TECPR1: variants seen among roughly 807,000 people sequenced by gnomAD.
TECPR1 encodes tectonin beta-propeller repeat containing 1.
Under a neutral mutation model 162.4 loss-of-function variants are expected in TECPR1, and 122 were observed. That is an observed-to-expected ratio of 0.75 (90% CI 0.65 to 0.87). The LOEUF is 0.87. Ranked by LOEUF, TECPR1 falls within the 40% of genes least tolerant of loss-of-function variation. TECPR1 has a pLI of 0.00. For synonymous variants in TECPR1, 642 were observed against 670.6 expected (o/e 0.96, Z 0.66); for missense variants, 1,432 against 1,618.2 (o/e 0.88, Z 1.97).
At chr7:98,240,808 A>T (rs1225038915) in intron 8 of TECPR1, 43 bp downstream of exon 8, 2 of 1,515,664 alleles carry the variant, frequency 1.3e-6, no homozygotes, top group South Asian at 2.4e-5. Flanking sequence ...GCAGTCTCCA[A>T]CTCCTGGGCT....
At chr7:98,233,311 G>C in intron 11 of TECPR1, 110 bp downstream of exon 11, 1 of 1,318,148 alleles carries the variant, frequency 7.6e-7, no homozygotes, top group African/African-American at 1.5e-5. Flanking sequence ...GAGGCGTCCA[G>C]GGAGGACAGC....
At chr7:98,250,754 A>T (rs918714087) in intron 2 of TECPR1, among the ~76,000 whole-genome samples, 1 of 152,080 alleles carries the variant, frequency 6.6e-6, no homozygotes, top group Admixed American at 6.5e-5. Context: ...ATGAAAGGAG[A>T]TTTTGACTTT....
intron 15 of TECPR1, among the ~76,000 whole-genome samples, chr7:98,230,114 A>G (rs989460721): frequency 2.0e-5 from 3 of 150,040 alleles, no homozygotes; most frequent in Non-Finnish European, 4.4e-5. Flanking sequence ...TTCCCACCTC[A>G]GCCCTCCGAG....
chr7:98,248,319 C>T (rs760459770), intron 2 of TECPR1, among the ~76,000 whole-genome samples: 1 of 151,866 alleles, frequency 6.6e-6, no homozygotes, highest in Admixed American at 6.6e-5. Flanking sequence ...GGCCCGGGGC[C>T]TGAAGAGAGG....
chr7:98,227,903 T>C, intron 17 of TECPR1, 111 bp downstream of exon 17: 3 of 780,664 alleles, frequency 3.8e-6, no homozygotes, highest in African/African-American at 1.7e-5. Flanking sequence ...GCTGGCGGCC[T>C]GACACCAGGC....
chr7:98,229,585 A>G (rs1429412971), intron 15 of TECPR1, among the ~76,000 whole-genome samples: 3 of 152,152 alleles, frequency 2.0e-5, no homozygotes, highest in Non-Finnish European at 4.4e-5. Flanking sequence ...ATGACATCTA[A>G]TCCTCTGCAT....
intron 23 of TECPR1, among the ~76,000 whole-genome samples, chr7:98,219,508 G>A (rs1798092501): frequency 6.6e-6 from 1 of 152,212 alleles, no homozygotes; most frequent in Non-Finnish European, 1.5e-5. Context: ...CTCATAACCA[G>A]AATCTAGAAG....
chr7:98,223,641 C>T, intron 20 of TECPR1, 21 bp downstream of exon 20: 2 of 1,613,450 alleles, frequency 1.2e-6, no homozygotes, highest in Non-Finnish European at 1.7e-6. Flanking sequence ...CCGTGACAGT[C>T]ACCCTGCAGC....
At chr7:98,223,556 G>T in intron 20 of TECPR1, 106 bp downstream of exon 20, 1 of 1,230,242 alleles carries the variant, frequency 8.1e-7, no homozygotes, top group Non-Finnish European at 1.2e-6. Flanking sequence ...TGGGACTGAG[G>T]TCAGAGGCCA....
chr7:98,233,520 G>A lies in TECPR1; in HGVS notation c.1573C>T (p.Pro525Ser), dbSNP rs375848344. 5.1e-5 allele frequency: 80 copies of A among 1,568,418 alleles called. No homozygotes were observed. Among genetic ancestry groups the A allele is most frequent in the Admixed American group, 2.0e-5 (1 of 49,750 alleles). The change falls in exon 11 of 26, where the codon CCG becomes TCG. Residue 525 changes from proline (P) to serine (S), a missense_variant. Pro to Ser is a moderately conservative substitution (Grantham distance 74, BLOSUM62 -1). Transcript: ENST00000447648. Reference sequence around the variant, plus strand: ...AGCGGGTGGTCATCCACCCCATACGGCTCCTCCAAGCCCAGTGGGAGGAGC... The same window carrying A: ...AGCGGGTGGTCATCCACCCCATACGACTCCTCCAAGCCCAGTGGGAGGAGC... The part of the protein sequence containing the change: ...LGLLPLGLEE[P>S]YGVDDHPLWA...
intron 16 of TECPR1, 55 bp from the exon 17 acceptor site, chr7:98,228,171 C>G: frequency 7.3e-7 from 1 of 1,378,422 alleles, no homozygotes; most frequent in East Asian, 2.4e-5. Context: ...GCTTGGGACT[C>G]TGGCTTTCCG....
intron 22 of TECPR1, among the ~76,000 whole-genome samples, chr7:98,222,046 G>C (rs1364798313): frequency 6.6e-6 from 1 of 152,238 alleles, no homozygotes; most frequent in East Asian, 1.9e-4. Context: ...CCTGTGCAGA[G>C]GGCAGCTGAG....
chr7:98,233,384 C>G, intron 11 of TECPR1, 37 bp downstream of exon 11: 1 of 1,419,316 alleles, frequency 7.0e-7, no homozygotes, highest in Non-Finnish European at 9.2e-7. Flanking sequence ...GGGCACCTGG[C>G]CATGTGGATG....
At chr7:98,222,733 G>A in intron 21 of TECPR1, 1 of 794,982 alleles carries the variant, frequency 1.3e-6, no homozygotes, top group East Asian at 2.5e-5. Flanking sequence ...CGCCCCCGTG[G>A]GCGTGTGCAC....
At chr7:98,223,975 C>T (rs901991259) in intron 19 of TECPR1, among the ~76,000 whole-genome samples, 2 of 152,026 alleles carry the variant, frequency 1.3e-5, no homozygotes, top group African/African-American at 4.8e-5. Flanking sequence ...CTCCCAGGGG[C>T]AGGGGTCTCC....
chr7:98,245,062 C>A lies in TECPR1; in HGVS notation c.231G>T (p.Trp77Cys). The A allele has an allele frequency of 6.3e-7, 1 of 1,582,956 alleles. No individual in the cohort carries two copies. Residue 77 changes from tryptophan to cysteine, a missense_variant, in exon 4 of 26, where the codon TGG (tryptophan) becomes TGT (cysteine). Coordinates refer to ENST00000447648, the MANE Select transcript of TECPR1 (RefSeq NM_015395.3). ...TCTCACAGAAGCCGCCCATGGGATTCCAGCGCTGAGGGCCGGGGACACAGA... is the reference window on the plus strand; with the variant it reads ...TCTCACAGAAGCCGCCCATGGGATTACAGCGCTGAGGGCCGGGGACACAGA... ...RREEAYENQRWNPMGGFCEKL... is the reference protein window; with the variant it reads ...RREEAYENQRCNPMGGFCEKL...
At position 98,229,041 on chromosome 7, in the gene TECPR1, T is replaced by C; in HGVS notation, c.2408A>G (p.Gln803Arg). The C allele has an allele frequency of 6.2e-6, 10 of 1,601,144 alleles. No homozygotes were observed. The highest frequency in any genetic ancestry group is 8.5e-6 in the Non-Finnish European group (10 of 1,174,220). The change falls in exon 16 of 26, where the codon CAA becomes CGA. Residue 803 changes from glutamine (Q) to arginine (R), a missense_variant and splice_region_variant. Transcript: ENST00000447648. The stretch of plus-strand genomic sequence containing the variant: ...GGGGGGCTGTGGGCCGCCCTCACCT[T>C]GGAAGCAGCCGCCTCCATAGCCGCC... ...YTGGYGGGCFQGLASSTSNIY... is the reference protein window; with the variant it reads ...YTGGYGGGCFRGLASSTSNIY...
chr7:98,228,247 A>G, intron 16 of TECPR1, 131 bp from the exon 17 acceptor site: 1 of 724,488 alleles, frequency 1.4e-6, no homozygotes, highest in Middle Eastern at 3.7e-4. Context: ...GAGAGGAGCA[A>G]ACAGTCCTGT....
intron 2 of TECPR1, chr7:98,250,914 T>G (rs954050): frequency 6.6e-6 from 1 of 151,932 alleles, no homozygotes; most frequent in African/African-American, 2.4e-5. Context: ...CCCAGGCACC[T>G]GTCGTCACTT....
Sources: gnomAD v4.1 joint callset for allele counts (sites outside exome capture counted in the v4.1 genomes callset) on GRCh38, gnomAD v4.1.1 for gene constraint, MANE v1.5 for transcripts, NCBI Gene and HGNC (gene_info 2026-07-23, HGNC 2026-07-21) for gene names.